Variants in ANO3 observed in about 807,000 individuals in gnomAD.
ANO3 encodes the protein anoctamin 3, also known as anoctamin-3.
In ANO3, 99 loss-of-function variants were observed where a neutral mutation model predicts 144.8. That is an observed-to-expected ratio of 0.68 (90% confidence interval 0.58 to 0.81). The LOEUF is 0.81. ANO3 is among the 30% of genes least tolerant of loss of function. ANO3 has a pLI of 0.00. For missense variants in ANO3, 905 were observed against 1,202.2 expected (o/e 0.75, Z 3.66); for synonymous variants, 414 against 392.6 (o/e 1.05, Z -0.64).
chr11:26,520,263 A>C (rs181609349), intron 6 of ANO3, among the ~76,000 whole-genome samples: 3,345 of 152,270 alleles, frequency 0.022, 61 homozygotes, highest in Non-Finnish European at 0.035. Flanking sequence ...GATTTTGAAG[A>C]GGATGTTTTC....
chr11:26,429,141 T>A (rs541890905), intron 1 of ANO3, among the ~76,000 whole-genome samples: 1 of 152,284 alleles, frequency 6.6e-6, no homozygotes, highest in South Asian at 2.1e-4. Flanking sequence ...GGAGGAACTC[T>A]ACTACCTAAC....
chr11:26,448,035 C>G (rs745635493), intron 3 of ANO3, among the ~76,000 whole-genome samples: 1 of 152,202 alleles, frequency 6.6e-6, no homozygotes, highest in South Asian at 2.1e-4. Flanking sequence ...TGCAGTGGCT[C>G]ATGCCTGTAA....
chr11:26,191,436 C>G (rs1418270415), intron 1 of ANO3, among the ~76,000 whole-genome samples: 1 of 152,058 alleles, frequency 6.6e-6, no homozygotes, highest in East Asian at 1.9e-4. Context: ...TCAATGCAGA[C>G]ACCTGTATCG....
At chr11:26,242,203 C>T (rs1344115191) in intron 1 of ANO3, among the ~76,000 whole-genome samples, 1 of 152,104 alleles carries the variant, frequency 6.6e-6, no homozygotes, top group Non-Finnish European at 1.5e-5. Context: ...TATTATCTTC[C>T]CTTCGCCTAA....
At chr11:26,357,949 A>C (rs1389184899) in intron 1 of ANO3, among the ~76,000 whole-genome samples, 1 of 152,108 alleles carries the variant, frequency 6.6e-6, no homozygotes, top group African/African-American at 2.4e-5. Context: ...TTTTCTCCTG[A>C]ATTGCCTTTG....
intron 1 of ANO3, among the ~76,000 whole-genome samples, chr11:26,295,394 G>A (rs557505159): frequency 4.6e-5 from 7 of 150,956 alleles, no homozygotes; most frequent in Non-Finnish European, 3.0e-5. Context: ...GCTTAGTGGC[G>A]GGCGCCTATA....
chr11:26,493,299 G>A (rs928946278), intron 4 of ANO3, among the ~76,000 whole-genome samples: 5 of 152,102 alleles, frequency 3.3e-5, no homozygotes, highest in East Asian at 3.9e-4. Context: ...TCTGGATTTC[G>A]TGAGATGTGA....
At chr11:26,248,323 G>T (rs1260697763) in intron 1 of ANO3, among the ~76,000 whole-genome samples, 2 of 152,012 alleles carry the variant, frequency 1.3e-5, no homozygotes, top group Non-Finnish European at 2.9e-5. Context: ...GGGCAACAGA[G>T]TGAGGCTCTG....
At chr11:26,598,819 A>C in intron 15 of ANO3, 39 bp from the exon 16 acceptor site, 1 of 1,594,552 alleles carries the variant, frequency 6.3e-7, no homozygotes, top group Non-Finnish European at 8.5e-7. Flanking sequence ...TTTTTAGTTT[A>C]TGGCTTTGAT....
At chr11:26,494,073 C>A (rs1289958237) in intron 4 of ANO3, among the ~76,000 whole-genome samples, 2 of 152,030 alleles carry the variant, frequency 1.3e-5, no homozygotes, top group African/African-American at 4.8e-5. Flanking sequence ...AAGGCATAAC[C>A]AGCATCTTAA....
intron 1 of ANO3, among the ~76,000 whole-genome samples, chr11:26,261,309 C>T (rs1853183444): frequency 6.6e-6 from 1 of 152,012 alleles, no homozygotes; most frequent in Non-Finnish European, 1.5e-5. Context: ...TGCTTTCTTC[C>T]TTTTTTATTG....
intron 7 of ANO3, among the ~76,000 whole-genome samples, chr11:26,529,311 TA>T (rs1402961986): frequency 0.01 from 5 of 496 alleles, 2 homozygotes; most frequent in Non-Finnish European, 0.062. Flanking sequence ...ATATATATTA[TA>T]TAATATATAA....
rs1853327637 is a variant in ANO3 at position 26,645,890 on chromosome 11, GAA to G, written c.2429-1816_2429-1815del. On this transcript the variant is annotated intron_variant, in intron 23 of 26. Coordinates refer to ENST00000256737, the MANE Select transcript of ANO3 (RefSeq NM_031418.4). ...ATAAAAATAATATAAGCACATTAAA[GAA>G]AATCTAGAAAATAAATTTTAAAAAA... 2.0e-5 allele frequency among the ~76,000 whole-genome samples: 3 copies of G among 152,162 alleles called. No homozygotes were observed. The South Asian group carries it at 6.2e-4, about 32-fold the overall frequency.
intron 1 of ANO3, among the ~76,000 whole-genome samples, chr11:26,420,013 C>T (rs1408419353): frequency 6.6e-6 from 1 of 152,030 alleles, no homozygotes; most frequent in Non-Finnish European, 1.5e-5. Context: ...TTATACAGCC[C>T]TTCATGACTT....
chr11:26,352,741 A>G (rs1855680480), intron 1 of ANO3, among the ~76,000 whole-genome samples: 1 of 152,192 alleles, frequency 6.6e-6, no homozygotes. Context: ...GTTGACTTAC[A>G]ACTTCTTCAG....
intron 12 of ANO3, among the ~76,000 whole-genome samples, chr11:26,548,279 T>C (rs966320552): frequency 1.6e-4 from 24 of 152,084 alleles, no homozygotes; most frequent in African/African-American, 5.5e-4. Context: ...GATTTGGAAA[T>C]AGGAACAGCA....
At chr11:26,332,021 G>A, upstream of ANO3, 1 of 1,149,906 alleles carries the variant, frequency 8.7e-7, no homozygotes, top group South Asian at 1.7e-5. Context: ...CTGTGGCACT[G>A]GACGCGCGGG....
intron 3 of ANO3, among the ~76,000 whole-genome samples, chr11:26,455,439 C>G (rs1341775825): frequency 4.6e-5 from 7 of 151,616 alleles, no homozygotes; most frequent in Admixed American, 4.6e-4. Context: ...AACAGACAAA[C>G]AGAGCCAAAT....
intron 5 of ANO3, among the ~76,000 whole-genome samples, chr11:26,510,132 C>T (rs1423042985): frequency 6.2e-4 from 29 of 46,546 alleles, no homozygotes; most frequent in African/African-American, 6.4e-4. Flanking sequence ...GACTCCATCT[C>T]AAAAAAAAAA....
Sources: gnomAD v4.1 joint callset for allele counts (sites outside exome capture counted in the v4.1 genomes callset) on GRCh38, gnomAD v4.1.1 for gene constraint, MANE v1.5 for transcripts, NCBI Gene and HGNC (gene_info 2026-07-23, HGNC 2026-07-21) for gene names.